The following MECR variants were observed in gnomAD, a reference collection of about 807,000 sequenced individuals.
The protein encoded by MECR is enoyl-[acyl-carrier-protein] reductase, mitochondrial.
In MECR, 37 loss-of-function variants were observed where a neutral mutation model predicts 49.1. The ratio of observed to expected loss-of-function variants is 0.75; its 90% confidence interval spans 0.58 to 0.99. MECR has a LOEUF of 0.99. Among genes scored for constraint, MECR ranks in the 50% least tolerant of loss-of-function variants. The pLI is 0.00. For missense variants in MECR, 470 were observed against 479.6 expected (o/e 0.98, Z 0.19); for synonymous variants, 198 against 191.1 (o/e 1.04, Z -0.30).
the MECR span, among the ~76,000 whole-genome samples, chr1:29,180,658 G>A: frequency 6.6e-6 from 1 of 152,132 alleles, no homozygotes; most frequent in Non-Finnish European, 1.5e-5. Flanking sequence ...GCCCTAAAAT[G>A]TCACCCCAGT....
chr1:29,175,694 C>CAAAAAAAAAAAA, the MECR span, among the ~76,000 whole-genome samples: 12 of 38,588 alleles, frequency 3.1e-4, no homozygotes, highest in South Asian at 2.2e-3. Flanking sequence ...GACGCTGTCT[C>CAAAAAAAAAAAA]AAAAAAAAAA....
the MECR span, chr1:29,181,965 C>A: frequency 2.6e-6 from 1 of 389,984 alleles, no homozygotes; most frequent in Non-Finnish European, 4.5e-6. Context: ...CCGGAGAGAG[C>A]GCGCGTTCGC....
intron 1 of MECR, among the ~76,000 whole-genome samples, chr1:29,228,332 T>C (rs1056659138): frequency 6.7e-6 from 1 of 150,220 alleles, no homozygotes; most frequent in Non-Finnish European, 1.5e-5. Context: ...CAAAGTTGAA[T>C]ATAATGCTTT....
the MECR span, among the ~76,000 whole-genome samples, chr1:29,175,694 C>CAAAAAAAAAAA: frequency 3.4e-4 from 13 of 38,586 alleles, 1 homozygote; most frequent in South Asian, 2.2e-3. Context: ...GACGCTGTCT[C>CAAAAAAAAAAA]AAAAAAAAAA....
At position 29,203,196 on chromosome 1, in the gene MECR, C is replaced by G; in HGVS notation, c.588G>C (p.Val196=). 1 of 1,584,330 alleles carries G rather than the reference C, an allele frequency of 6.3e-7. No homozygotes were observed. Among genetic ancestry groups the G allele is most frequent in the African/African-American group, 1.3e-5 (1 of 74,444 alleles). Residue 196 remains valine (V), a synonymous_variant, in exon 5 of 10, where the codon GTG becomes GTC. Transcript: ENST00000263702. Reference sequence around the variant, plus strand: ...CGGCGATCTGGATGACTGCTTGCCCCACTCCGCTGTTGGATGCATTCTGGA... The same window carrying G: ...CGGCGATCTGGATGACTGCTTGCCCGACTCCGCTGTTGGATGCATTCTGGA... ...SVIQNASNSG[V]GQAVIQIAAA...
intron 9 of MECR, among the ~76,000 whole-genome samples, 175 bp downstream of exon 9, chr1:29,195,766 G>A (rs1027812162): frequency 1.3e-5 from 2 of 152,134 alleles, no homozygotes; most frequent in Non-Finnish European, 2.9e-5. Context: ...GACTAACCCA[G>A]TTTAGTCCAA....
chr1:29,203,199 T>G lies in MECR; in HGVS notation c.585A>C (p.Gly195=). The G allele has an allele frequency of 6.3e-7, 1 of 1,583,778 alleles. No individual in the cohort carries two copies. Among genetic ancestry groups the G allele is most frequent in the Non-Finnish European group, 8.6e-7 (1 of 1,161,190 alleles). Residue 195 remains glycine, a synonymous_variant, in exon 5 of 10, where the codon GGA becomes GGC. Coordinates refer to ENST00000263702, the MANE Select transcript of MECR (RefSeq NM_016011.5). The part of the protein sequence containing the change: ...DSVIQNASNS[G]VGQAVIQIAA... ...CGATCTGGATGACTGCTTGCCCCAC[T>G]CCGCTGTTGGATGCATTCTGGATGA...
chr1:29,201,878 G>T lies in MECR; in HGVS notation c.756+65C>A. The stretch of plus-strand genomic sequence containing the variant: ...GGGGCCAGTCCCCAGTTTCTCTAAT[G>T]CATGTCAACTTTCTTCAGGGAGATG... On this transcript the variant is annotated intron_variant, in intron 6 of 9. Transcript: ENST00000263702. The surrounding 1 kb of genome is among the most constrained non-coding windows in gnomAD (Gnocchi z 4.3). 1 of 1,323,816 alleles carries T rather than the reference G, an allele frequency of 7.6e-7. No individual in the cohort carries two copies. Among genetic ancestry groups the T allele is most frequent in the Non-Finnish European group, 1.1e-6 (1 of 917,836 alleles). 82.0% of individuals were successfully genotyped at this position (1,323,816 alleles called of 1,614,324 possible). A position where few individuals can be genotyped will look rare whatever the true frequency, so the allele number is the denominator to read the frequency against.
chr1:29,194,084 G>T lies in MECR; in HGVS notation c.1060C>A (p.Gln354Lys). 1.2e-6 allele frequency: 2 copies of T among 1,614,152 alleles called. No individual in the cohort carries two copies. The highest frequency in any genetic ancestry group is 1.7e-6 in the Non-Finnish European group (2 of 1,180,004). The part of the protein sequence containing the change: ...ACSQVPLQDY[Q>K]SALEASMKPF... ...TTCATGGAGGCTTCCAAGGCAGACT[G>T]GTAGTCCTGCAGCGGGACCTGGGAG... Residue 354 changes from glutamine to lysine, a missense_variant, in exon 10 of 10, where the codon CAG becomes AAG. Gln to Lys is a moderately conservative substitution (Grantham distance 53). Transcript: ENST00000263702.
chr1:29,207,029 TA>T, intron 3 of MECR, 124 bp from the exon 4 acceptor site: 4 of 996,064 alleles, frequency 4.0e-6, no homozygotes, highest in Non-Finnish European at 5.9e-6. Flanking sequence ...GCATCCAGGA[TA>T]GCATCCAGGA....
intron 7 of MECR, among the ~76,000 whole-genome samples, chr1:29,198,481 T>C (rs866741868): frequency 1.3e-4 from 20 of 152,302 alleles, no homozygotes; most frequent in Middle Eastern, 6.8e-3. Context: ...TGCAATGACA[T>C]TGGGATTGAG....
chr1:29,181,741 C>T, the MECR span: 2 of 1,582,270 alleles, frequency 1.3e-6, no homozygotes, highest in South Asian at 2.3e-5. Flanking sequence ...GGCCGATGTA[C>T]ACCCGCGGCA....
At chr1:29,171,122 C>T in the MECR span, 1 of 152,136 alleles carries the variant, frequency 6.6e-6, no homozygotes. Flanking sequence ...TTGTACAAAT[C>T]CTTCCTCAGC....
chr1:29,179,823 C>G, the MECR span, among the ~76,000 whole-genome samples: 1 of 152,156 alleles, frequency 6.6e-6, no homozygotes, highest in Non-Finnish European at 1.5e-5. Context: ...TATTCAAGAG[C>G]AGAACTGTTT....
At chr1:29,175,134 A>G in the MECR span, among the ~76,000 whole-genome samples, 4 of 151,498 alleles carry the variant, frequency 2.6e-5, no homozygotes, top group Admixed American at 1.3e-4. Flanking sequence ...TAAAAAAATT[A>G]TAATAGGCCA....
At chr1:29,174,201 A>G in the MECR span, among the ~76,000 whole-genome samples, 1 of 7,972 alleles carries the variant, frequency 1.3e-4, no homozygotes. Flanking sequence ...CTCAAAAAAA[A>G]AAAGAAAAAA....
intron 1 of MECR, among the ~76,000 whole-genome samples, chr1:29,229,349 C>A (rs934240497): frequency 6.6e-6 from 1 of 151,964 alleles, no homozygotes; most frequent in Non-Finnish European, 1.5e-5. Flanking sequence ...ATTACAGGTG[C>A]CCACCACCAA....
the MECR span, among the ~76,000 whole-genome samples, chr1:29,184,251 C>T: frequency 6.9e-6 from 1 of 144,872 alleles, no homozygotes; most frequent in Non-Finnish European, 1.5e-5. Flanking sequence ...TCTTGGCTCA[C>T]TGCAGTCTCT....
At chr1:29,187,131 T>G in the MECR span, among the ~76,000 whole-genome samples, 1 of 152,198 alleles carries the variant, frequency 6.6e-6, no homozygotes, top group Non-Finnish European at 1.5e-5. Context: ...GCATGGTGCC[T>G]GACAATAAGC....
Sources: allele counts gnomAD v4.1 joint callset (sites outside exome capture counted in the v4.1 genomes callset), GRCh38; gene constraint gnomAD v4.1.1; non-coding constraint Gnocchi (gnomAD v3.1); transcripts MANE v1.5; gene names NCBI Gene and HGNC (gene_info 2026-07-23, HGNC 2026-07-21).